RBFOX1: variants seen among roughly 807,000 people sequenced by gnomAD.
RBFOX1 encodes RNA binding protein fox-1 homolog 1.
Under a neutral mutation model 57.7 loss-of-function variants are expected in RBFOX1, and 8 were observed. The observed-to-expected ratio is 0.14, with a 90% CI of 0.08 to 0.25. RBFOX1 has a LOEUF of 0.25. RBFOX1 is among the 10% of genes least tolerant of loss of function. The probability of loss-of-function intolerance (pLI) is 1.00; values close to 1 mark genes in which losing one functional copy is unlikely to be tolerated. For synonymous variants in RBFOX1, 326 were observed against 222.4 expected (o/e 1.47, Z -4.15); for missense variants, 611 against 548.5 (o/e 1.11, Z -1.14).
intron 3 of RBFOX1, among the ~76,000 whole-genome samples, chr16:6,913,640 T>G (rs2072308152): frequency 6.6e-6 from 1 of 152,152 alleles, no homozygotes; most frequent in Admixed American, 6.5e-5. Flanking sequence ...ACCAGATTGT[T>G]TGGGCAGCAA....
chr16:6,602,621 C>A (rs1350893867), intron 2 of RBFOX1, among the ~76,000 whole-genome samples: 1 of 152,146 alleles, frequency 6.6e-6, no homozygotes, highest in African/African-American at 2.4e-5. Context: ...CTCCTGGCTC[C>A]AGTTCCATTT....
intron 3 of RBFOX1, among the ~76,000 whole-genome samples, chr16:5,765,729 G>A (rs1212811676): frequency 2.6e-5 from 4 of 152,242 alleles, no homozygotes; most frequent in Non-Finnish European, 5.9e-5. Flanking sequence ...AAATCAGCCA[G>A]TGAAGCACCT....
intron 4 of RBFOX1, among the ~76,000 whole-genome samples, chr16:5,963,788 C>G (rs2059795424): frequency 6.6e-6 from 1 of 152,104 alleles, no homozygotes. Context: ...AACTTAAGAC[C>G]TAAAGCCATA....
intron 3 of RBFOX1, among the ~76,000 whole-genome samples, chr16:5,773,635 C>G (rs1312602866): frequency 2.0e-5 from 3 of 152,178 alleles, no homozygotes; most frequent in African/African-American, 7.2e-5. Flanking sequence ...TGCACGTGAG[C>G]AAGAACGTGC....
intron 3 of RBFOX1, among the ~76,000 whole-genome samples, chr16:5,705,565 AT>A (rs2051212477): frequency 6.6e-6 from 1 of 152,180 alleles, no homozygotes; most frequent in Non-Finnish European, 1.5e-5. Context: ...AGTACACACA[AT>A]TTGTTTTTTG....
intron 1 of RBFOX1, among the ~76,000 whole-genome samples, chr16:5,258,965 T>G (rs1281899872): frequency 6.6e-6 from 1 of 151,762 alleles, no homozygotes; most frequent in African/African-American, 2.4e-5. Flanking sequence ...GCACACTCCA[T>G]TTCCCATCTG....
intron 3 of RBFOX1, among the ~76,000 whole-genome samples, chr16:5,855,966 G>A (rs1188172095): frequency 1.8e-5 from 2 of 109,020 alleles, no homozygotes; most frequent in African/African-American, 6.9e-5. Context: ...TTATTCCTAT[G>A]TATGTTATTC....
At chr16:6,092,074 C>T (rs1003319543) in intron 1 of RBFOX1, among the ~76,000 whole-genome samples, 1 of 152,196 alleles carries the variant, frequency 6.6e-6, no homozygotes, top group Non-Finnish European at 1.5e-5. Flanking sequence ...GAGTACCTAG[C>T]AATCCTTCTG....
intron 4 of RBFOX1, among the ~76,000 whole-genome samples, chr16:7,343,508 C>G (rs888864066): frequency 1.3e-5 from 2 of 152,134 alleles, no homozygotes; most frequent in Admixed American, 1.3e-4. Flanking sequence ...TCTGAGCACA[C>G]AGCAGCATAA....
intron 2 of RBFOX1, among the ~76,000 whole-genome samples, chr16:6,376,185 C>G (rs1210564381): frequency 6.6e-6 from 1 of 152,130 alleles, no homozygotes; most frequent in Non-Finnish European, 1.5e-5. Flanking sequence ...CTCTCTTTCC[C>G]CTAGACTCCA....
rs2093391286 is a variant in RBFOX1 at position 6,840,361 on chromosome 16, G to GT, written c.-16+185712dup. Among the ~76,000 whole-genome samples the GT allele has an allele frequency of 2.0e-5, 3 of 152,164 alleles. No homozygotes were observed. In the South Asian group the frequency reaches 6.2e-4, roughly 32 times the overall value. On this transcript the variant is annotated intron_variant, in intron 3 of 15. Transcript: ENST00000550418. ...TTCATTCGTTCATTCATTGGTCCCT[G>GT]TATTTCAGGATTCCTGCGTTGGTTC...
intron 1 of RBFOX1, among the ~76,000 whole-genome samples, chr16:5,336,754 GC>G (rs977564216): frequency 1.3e-5 from 2 of 152,170 alleles, no homozygotes; most frequent in Non-Finnish European, 2.9e-5. Context: ...TGCCCCTCCA[GC>G]CCCCCTCCTT....
At chr16:6,605,059 G>A (rs546634788) in intron 2 of RBFOX1, among the ~76,000 whole-genome samples, 37 of 151,938 alleles carry the variant, frequency 2.4e-4, no homozygotes, top group East Asian at 1.4e-3. Context: ...CATGCACAAC[G>A]TGTGTATTTT....
upstream of RBFOX1, among the ~76,000 whole-genome samples, chr16:6,018,644 C>A (rs951682526): frequency 6.6e-6 from 1 of 152,094 alleles, no homozygotes; most frequent in Non-Finnish European, 1.5e-5. Context: ...GGATAGGGCT[C>A]GATCTCTGCC....
intron 4 of RBFOX1, among the ~76,000 whole-genome samples, chr16:7,181,229 C>T (rs1268933509): frequency 6.6e-6 from 1 of 152,148 alleles, no homozygotes; most frequent in Non-Finnish European, 1.5e-5. Context: ...AATAGGGAAA[C>T]TGCTATGCCC....
At chr16:6,845,733 C>T (rs1393661778) in intron 3 of RBFOX1, among the ~76,000 whole-genome samples, 1 of 152,148 alleles carries the variant, frequency 6.6e-6, no homozygotes, top group Non-Finnish European at 1.5e-5. Context: ...CATGTACCTC[C>T]TTCCTGACCC....
At chr16:5,488,568 G>A (rs1182769462) in intron 2 of RBFOX1, among the ~76,000 whole-genome samples, 1 of 18,430 alleles carries the variant, frequency 5.4e-5, no homozygotes, top group Non-Finnish European at 2.2e-4. Flanking sequence ...GAGGATTATG[G>A]TGATGATGGT....
intron 3 of RBFOX1, among the ~76,000 whole-genome samples, chr16:5,738,270 C>T (rs934362555): frequency 1.4e-5 from 2 of 147,362 alleles, no homozygotes; most frequent in African/African-American, 4.9e-5. Flanking sequence ...GTATCCATCA[C>T]CCAAGTATTT....
intron 4 of RBFOX1, among the ~76,000 whole-genome samples, chr16:7,309,331 G>T (rs944896536): frequency 6.6e-6 from 1 of 152,202 alleles, no homozygotes; most frequent in East Asian, 1.9e-4. Flanking sequence ...GCCGCGTGTT[G>T]TGGACATGGA....
Sources: gnomAD v4.1 joint callset for allele counts (sites outside exome capture counted in the v4.1 genomes callset) on GRCh38, gnomAD v4.1.1 for gene constraint, MANE v1.5 for transcripts, NCBI Gene and HGNC (gene_info 2026-07-23, HGNC 2026-07-21) for gene names.